CELF1: variants seen among roughly 807,000 people sequenced by gnomAD.
CELF1 encodes 50 kDa nuclear polyadenylated RNA-binding protein.
CELF1 carries 10 observed loss-of-function variants against 61.8 expected under a neutral mutation model. The observed-to-expected ratio is 0.16, with a 90% CI of 0.10 to 0.27. The LOEUF (loss-of-function observed/expected upper bound fraction) is 0.27, where lower values mean the gene tolerates loss of function less well. CELF1 is among the 10% of genes least tolerant of loss of function. The pLI, the probability that CELF1 is intolerant of heterozygous loss-of-function variation, is 1.00. For missense variants in CELF1, 380 were observed against 639.1 expected (o/e 0.59, Z 4.37); for synonymous variants, 236 against 225.1 (o/e 1.05, Z -0.43).
chr11:47,512,016 T>C (rs750527401), intron 1 of CELF1, among the ~76,000 whole-genome samples: 1 of 151,950 alleles, frequency 6.6e-6, no homozygotes, highest in Non-Finnish European at 1.5e-5. Context: ...GCCCAGCTAA[T>C]GTTTTGTATT....
Position 47,466,214 on chromosome 11 carries a change from C to G in CELF1, c.*6016G>C, listed in dbSNP as rs1421756636. On this transcript the variant is annotated 3_prime_UTR_variant, in exon 15 of 15. Coordinates refer to ENST00000687097, the MANE Select transcript of CELF1 (RefSeq NM_001376376.1). ...AGGGCTCTCCTTGCCTTTTTTTAAA[C>G]CATTAAAGTAAAATCCATAATTTTC... 1 of 151,886 alleles carries G rather than the reference C, an allele frequency of 6.6e-6. No homozygotes were observed. The highest frequency in any genetic ancestry group is 2.4e-5 in the African/African-American group (1 of 41,310). 9.4% of individuals were successfully genotyped at this position (151,886 alleles called of 1,614,324 possible). A position where few individuals can be genotyped will look rare whatever the true frequency, so the allele number is the denominator to read the frequency against.
At chr11:47,511,325 C>A (rs968153503) in intron 1 of CELF1, among the ~76,000 whole-genome samples, 1 of 72,468 alleles carries the variant, frequency 1.4e-5, no homozygotes. Context: ...CAGGCCCCAA[C>A]TGTCAGTCTC....
intron 9 of CELF1, chr11:47,482,471 CA>C (rs1489897531): frequency 5.7e-6 from 2 of 350,346 alleles, no homozygotes; most frequent in Non-Finnish European, 1.0e-5. Flanking sequence ...TTAGTTGCAG[CA>C]AAAGCCTCAA....
intron 1 of CELF1, among the ~76,000 whole-genome samples, chr11:47,516,761 T>C (rs1286487437): frequency 2.6e-5 from 4 of 151,964 alleles, no homozygotes; most frequent in African/African-American, 7.3e-5. Flanking sequence ...CCACCAAGCC[T>C]GGCTAATTTT....
intron 3 of CELF1, among the ~76,000 whole-genome samples, chr11:47,489,944 T>G (rs1316661680): frequency 8.5e-6 from 1 of 117,302 alleles, no homozygotes; most frequent in Admixed American, 9.0e-5. Context: ...TGTTTTTTTT[T>G]TTTTTTTTTT....
At chr11:47,484,601 C>T in intron 6 of CELF1, 78 bp from the exon 7 acceptor site, 1 of 1,309,172 alleles carries the variant, frequency 7.6e-7, no homozygotes, top group Non-Finnish European at 1.1e-6. Context: ...AGCCAGACCG[C>T]CTGGGTTTGA....
At position 47,558,628 on chromosome 11, in the gene CELF1, T is replaced by C. The variant is rs2097214661; in HGVS notation, c.-11+5723A>G. On this transcript the variant is annotated intron_variant, in intron 2 of 3. Transcript: ENST00000525841. Reference sequence around the variant, plus strand: ...TATAAAATATGTGCAATATAATATATAATATAATGTGTAATATATTAGATA... The same window carrying C: ...TATAAAATATGTGCAATATAATATACAATATAATGTGTAATATATTAGATA... Among the ~76,000 whole-genome samples the C allele has an allele frequency of 3.5e-5, 4 of 115,684 alleles. No individual in the cohort carries two copies. The South Asian group carries it at 9.3e-4, about 27-fold the overall frequency. 75.9% of individuals were successfully genotyped at this position (115,684 alleles called of 152,430 possible). A position where few individuals can be genotyped will look rare whatever the true frequency, so the allele number is the denominator to read the frequency against.
At chr11:47,513,198 A>G (rs2095336719) in intron 1 of CELF1, among the ~76,000 whole-genome samples, 2 of 152,244 alleles carry the variant, frequency 1.3e-5, no homozygotes, top group African/African-American at 4.8e-5. Context: ...AAATGTTGTT[A>G]GTGATTTTAA....
At chr11:47,493,327 C>T (rs2092286869) in intron 3 of CELF1, among the ~76,000 whole-genome samples, 1 of 126,566 alleles carries the variant, frequency 7.9e-6, no homozygotes, top group Admixed American at 9.3e-5. Context: ...ACGGTGAAAC[C>T]CCGTCCCTAC....
chr11:47,515,072 T>C (rs2095481256), intron 1 of CELF1, among the ~76,000 whole-genome samples: 1 of 152,236 alleles, frequency 6.6e-6, no homozygotes, highest in African/African-American at 2.4e-5. Context: ...AACAAATTGC[T>C]GGATGCAGCA....
chr11:47,471,121 C>T lies in CELF1; in HGVS notation c.*1109G>A, dbSNP rs1206510296. 6.6e-6 allele frequency: 1 copy of T among 152,282 alleles called. No individual in the cohort carries two copies. Among genetic ancestry groups the T allele is most frequent in the African/African-American group, 2.4e-5 (1 of 41,450 alleles). 9.4% of individuals were successfully genotyped at this position (152,282 alleles called of 1,614,324 possible). On this transcript the variant is annotated 3_prime_UTR_variant, in exon 15 of 15. Coordinates refer to ENST00000687097, the MANE Select transcript of CELF1 (RefSeq NM_001376376.1). ...GGAGGCAAGGGAGAATTTCTGGCCACTGGCAAATGAAGCATACTGGCTTGC... is the reference window on the plus strand; with the variant it reads ...GGAGGCAAGGGAGAATTTCTGGCCATTGGCAAATGAAGCATACTGGCTTGC...
At chr11:47,541,686 C>CAAAGAAAGAAAGAAAG (rs1555190315) in intron 1 of CELF1, among the ~76,000 whole-genome samples, 17 of 11,688 alleles carry the variant, frequency 1.5e-3, no homozygotes, top group African/African-American at 2.2e-3. Flanking sequence ...GCGAGACTGT[C>CAAAGAAAGAAAGAAAG]AAAGAAAGAA....
chr11:47,556,764 C>A (rs2153789129), upstream of CELF1, among the ~76,000 whole-genome samples: 1 of 152,260 alleles, frequency 6.6e-6, no homozygotes, highest in Non-Finnish European at 1.5e-5. Context: ...ATCTGCAGTT[C>A]CAACTACTTA....
chr11:47,531,632 G>T (rs1381630674), intron 1 of CELF1, among the ~76,000 whole-genome samples: 1 of 152,130 alleles, frequency 6.6e-6, no homozygotes, highest in Non-Finnish European at 1.5e-5. Flanking sequence ...GCTCACTTTT[G>T]TATAGATATA....
intron 1 of CELF1, among the ~76,000 whole-genome samples, chr11:47,535,804 C>T (rs11039278): frequency 0.72 from 108,903 of 150,538 alleles, 41,716 homozygotes; most frequent in Non-Finnish European, 0.86. Context: ...GCTCTGTCGC[C>T]CAGGCTGAAG....
intron 1 of CELF1, among the ~76,000 whole-genome samples, chr11:47,528,017 A>G (rs568033784): frequency 6.6e-6 from 1 of 151,800 alleles, no homozygotes; most frequent in Non-Finnish European, 1.5e-5. Context: ...AATGGGTTGA[A>G]CCCGAGAGGC....
chr11:47,541,512 GA>G (rs761448301), intron 1 of CELF1, among the ~76,000 whole-genome samples: 5 of 151,732 alleles, frequency 3.3e-5, no homozygotes, highest in Non-Finnish European at 7.4e-5. Flanking sequence ...CCAACATGGT[GA>G]AACCCCGTCT....
intron 1 of CELF1, among the ~76,000 whole-genome samples, chr11:47,522,009 C>T (rs1378815862): frequency 6.6e-6 from 1 of 151,574 alleles, no homozygotes; most frequent in Non-Finnish European, 1.5e-5. Context: ...CTCCCGGATT[C>T]GAGAGATTCT....
At chr11:47,473,334 C>A in intron 13 of CELF1, 103 bp from the exon 14 acceptor site, 1 of 1,092,510 alleles carries the variant, frequency 9.2e-7, no homozygotes, top group Non-Finnish European at 1.3e-6. Context: ...GTCACAATCC[C>A]TAAAAACAGA....
Sources: gnomAD v4.1 joint callset for allele counts (sites outside exome capture counted in the v4.1 genomes callset) on GRCh38, gnomAD v4.1.1 for gene constraint, MANE v1.5 for transcripts, NCBI Gene and HGNC (gene_info 2026-07-23, HGNC 2026-07-21) for gene names.